Variants in ELMO1 observed in about 807,000 individuals in gnomAD.
ELMO1 encodes the protein engulfment and cell motility protein 1.
Under a neutral mutation model 98.9 loss-of-function variants are expected in ELMO1, and 26 were observed. That is an observed-to-expected ratio of 0.26 (90% CI 0.19 to 0.36). The LOEUF (loss-of-function observed/expected upper bound fraction) is 0.36. Ranked by LOEUF, ELMO1 falls within the 10% of genes least tolerant of loss-of-function variation. ELMO1 has a pLI of 1.00. For missense variants in ELMO1, 627 were observed against 935.2 expected, an observed-to-expected ratio of 0.67 and a Z score of 4.30; for synonymous variants, 346 against 346.0, an observed-to-expected ratio of 1.00 and a Z score of 0.00.
intron 19 of ELMO1, among the ~76,000 whole-genome samples, chr7:36,873,489 A>G (rs914962098): frequency 8.5e-5 from 13 of 152,206 alleles, no homozygotes; most frequent in Non-Finnish European, 1.2e-4. Context: ...ATTTCTTTCA[A>G]TGCTTTTTAC....
At chr7:37,135,785 G>A (rs1173801777) in intron 13 of ELMO1, among the ~76,000 whole-genome samples, 1 of 152,106 alleles carries the variant, frequency 6.6e-6, no homozygotes, top group Admixed American at 6.5e-5. Context: ...GAGGGAACCA[G>A]AAAAACAATT....
At chr7:37,218,810 C>T (rs1053924764) in intron 10 of ELMO1, among the ~76,000 whole-genome samples, 2 of 152,126 alleles carry the variant, frequency 1.3e-5, no homozygotes, top group Middle Eastern at 3.2e-3. Flanking sequence ...AAATAATTGC[C>T]GTGGTTCTGC....
intron 15 of ELMO1, among the ~76,000 whole-genome samples, chr7:37,042,850 A>G (rs1426698663): frequency 6.6e-6 from 1 of 152,170 alleles, no homozygotes; most frequent in Non-Finnish European, 1.5e-5. Context: ...GCCACTCACA[A>G]TCTAAACTAG....
At position 36,992,598 on chromosome 7, in the gene ELMO1, G is replaced by T. The variant is rs532577200; in HGVS notation, c.1437+20701C>A. Among the ~76,000 whole-genome samples, 4 of 152,320 alleles carry T rather than the reference G, an allele frequency of 2.6e-5. No individual in the cohort carries two copies. The East Asian group carries it at 7.7e-4, about 29-fold the overall frequency. ...CAAAAAGCGACTGGGCCAATGGTAG[G>T]ATATCCTTTAGATGGTGCAAAATGA... On this transcript the variant is annotated intron_variant, in intron 16 of 21. Transcript: ENST00000310758.
At chr7:37,152,121 A>T (rs1788407033) in intron 13 of ELMO1, among the ~76,000 whole-genome samples, 2 of 152,208 alleles carry the variant, frequency 1.3e-5, no homozygotes, top group Non-Finnish European at 2.9e-5. Context: ...GGAGTCAAAA[A>T]CTACTATGTT....
intron 16 of ELMO1, among the ~76,000 whole-genome samples, chr7:36,935,078 T>C (rs1369713387): frequency 6.6e-6 from 1 of 152,208 alleles, no homozygotes; most frequent in Non-Finnish European, 1.5e-5. Flanking sequence ...CATCTCGAAT[T>C]GTAGCTCCCA....
intron 16 of ELMO1, among the ~76,000 whole-genome samples, chr7:36,973,787 G>C (rs1294404643): frequency 1.3e-5 from 2 of 152,198 alleles, no homozygotes; most frequent in African/African-American, 2.4e-5. Flanking sequence ...CGGCGCTTGC[G>C]AGCCAGCTGG....
intron 14 of ELMO1, among the ~76,000 whole-genome samples, chr7:37,103,088 T>C (rs1327807280): frequency 6.6e-6 from 1 of 152,172 alleles, no homozygotes; most frequent in Non-Finnish European, 1.5e-5. Context: ...GAAAGCAAAA[T>C]GGAAGTAAAG....
chr7:37,382,632 C>T (rs1469592454), intron 1 of ELMO1, among the ~76,000 whole-genome samples: 1 of 152,122 alleles, frequency 6.6e-6, no homozygotes, highest in Non-Finnish European at 1.5e-5. Context: ...CACAAACAAA[C>T]CTTACTAAAT....
At chr7:36,986,096 C>G (rs771178893) in intron 16 of ELMO1, 66 of 991,922 alleles carry the variant, frequency 6.7e-5, no homozygotes, top group Non-Finnish European at 8.0e-5. Flanking sequence ...TGAACAGAGA[C>G]CCGCCGCACA....
At chr7:37,061,995 A>G (rs1278468569) in intron 15 of ELMO1, among the ~76,000 whole-genome samples, 1 of 152,188 alleles carries the variant, frequency 6.6e-6, no homozygotes, top group East Asian at 1.9e-4. Context: ...ATTTCATCCT[A>G]TGAGAAGTGT....
At chr7:37,049,105 G>T (rs1390140012) in intron 15 of ELMO1, among the ~76,000 whole-genome samples, 1 of 152,054 alleles carries the variant, frequency 6.6e-6, no homozygotes, top group Non-Finnish European at 1.5e-5. Context: ...GAATGGGAAG[G>T]CCATGTTTTA....
intron 13 of ELMO1, among the ~76,000 whole-genome samples, chr7:37,159,798 AACT>A (rs1789077504): frequency 1.3e-5 from 2 of 152,238 alleles, no homozygotes; most frequent in Admixed American, 1.3e-4. Flanking sequence ...GCTGTACAAC[AACT>A]ACACCTGTAA....
intron 2 of ELMO1, among the ~76,000 whole-genome samples, chr7:37,320,501 A>T (rs1000219250): frequency 4.6e-5 from 7 of 152,132 alleles, no homozygotes; most frequent in Admixed American, 3.9e-4. Flanking sequence ...TCCAACTCTA[A>T]CAAGGGACTC....
chr7:37,071,162 C>T (rs944108583), intron 15 of ELMO1, among the ~76,000 whole-genome samples: 2 of 152,124 alleles, frequency 1.3e-5, no homozygotes, highest in South Asian at 2.1e-4. Context: ...AATTATCCCT[C>T]GATGACTCTG....
intron 17 of ELMO1, among the ~76,000 whole-genome samples, chr7:36,890,786 C>T (rs1054482739): frequency 1.3e-5 from 2 of 152,208 alleles, no homozygotes; most frequent in East Asian, 1.9e-4. Context: ...AGTCACATCA[C>T]ATCATTCCTT....
intron 16 of ELMO1, among the ~76,000 whole-genome samples, chr7:36,900,598 T>A (rs907873365): frequency 4.6e-5 from 7 of 152,104 alleles, no homozygotes; most frequent in African/African-American, 1.7e-4. Flanking sequence ...AGGGCAGAGT[T>A]GGAAGGGGAT....
At chr7:37,033,525 G>T (rs1430580767) in intron 15 of ELMO1, 1 of 391,764 alleles carries the variant, frequency 2.6e-6, no homozygotes, top group African/African-American at 2.1e-5. Flanking sequence ...ACAGACACTG[G>T]ATTATAACTT....
chr7:37,005,706 A>C (rs1793063251), intron 16 of ELMO1, among the ~76,000 whole-genome samples: 1 of 150,276 alleles, frequency 6.7e-6, no homozygotes, highest in Admixed American at 6.6e-5. Context: ...AAAAAAAAAA[A>C]AAAAAAAAAA....
Sources: allele counts gnomAD v4.1 joint callset (sites outside exome capture counted in the v4.1 genomes callset), GRCh38; gene constraint gnomAD v4.1.1; transcripts MANE v1.5; gene names NCBI Gene and HGNC (gene_info 2026-07-23, HGNC 2026-07-21).